The following KCND3 variants were observed in gnomAD, a reference collection of about 807,000 sequenced individuals.
KCND3 encodes potassium voltage-gated channel subfamily D member 3.
Under a neutral mutation model 51.1 loss-of-function variants are expected in KCND3, and 9 were observed. The ratio of observed to expected loss-of-function variants is 0.18; its 90% CI spans 0.11 to 0.31. The LOEUF is 0.31. Ranked by LOEUF, KCND3 falls within the 10% of genes least tolerant of loss-of-function variation. KCND3 has a pLI of 1.00. For synonymous variants in KCND3, 349 were observed against 368.0 expected, an observed-to-expected ratio of 0.95 and a Z score of 0.59; for missense variants, 526 against 903.8, an observed-to-expected ratio of 0.58 and a Z score of 5.36.
intron 2 of KCND3, among the ~76,000 whole-genome samples, chr1:111,969,059 G>A (rs1309641557): frequency 6.6e-6 from 1 of 151,860 alleles, no homozygotes; most frequent in Non-Finnish European, 1.5e-5. Context: ...ATACATGAAA[G>A]TTTCCCATTT....
At chr1:111,852,793 G>T (rs1234134115) in intron 2 of KCND3, among the ~76,000 whole-genome samples, 1 of 152,174 alleles carries the variant, frequency 6.6e-6, no homozygotes, top group Non-Finnish European at 1.5e-5. Context: ...GTACCACTTA[G>T]GTTTAAGCAA....
At chr1:111,889,051 C>A (rs1177706318) in intron 2 of KCND3, among the ~76,000 whole-genome samples, 1 of 152,132 alleles carries the variant, frequency 6.6e-6, no homozygotes, top group African/African-American at 2.4e-5. Context: ...TTCTTTAGAT[C>A]AGGGTTTTGT....
intron 2 of KCND3, among the ~76,000 whole-genome samples, chr1:111,844,635 A>G (rs1292560414): frequency 1.3e-5 from 2 of 151,516 alleles, no homozygotes; most frequent in African/African-American, 4.9e-5. Context: ...AAGCCTCCTC[A>G]CTCCCATCCC....
intron 2 of KCND3, among the ~76,000 whole-genome samples, chr1:111,855,920 C>T (rs1306277701): frequency 6.6e-6 from 1 of 152,188 alleles, no homozygotes; most frequent in Non-Finnish European, 1.5e-5. Context: ...ACGGCCCCCT[C>T]AAGAGGAGCT....
At chr1:111,963,300 A>C (rs1209030533) in intron 2 of KCND3, among the ~76,000 whole-genome samples, 1 of 152,254 alleles carries the variant, frequency 6.6e-6, no homozygotes, top group African/African-American at 2.4e-5. Context: ...AGGAGCTAGA[A>C]AATAGGTCCT....
chr1:111,905,037 C>T (rs1670579445), intron 2 of KCND3, among the ~76,000 whole-genome samples: 1 of 152,198 alleles, frequency 6.6e-6, no homozygotes, highest in Non-Finnish European at 1.5e-5. Context: ...GAGAGCTCTT[C>T]CCCGTACCTC....
intron 2 of KCND3, among the ~76,000 whole-genome samples, chr1:111,900,965 A>AAAAG (rs1326018781): frequency 6.6e-6 from 1 of 152,254 alleles, no homozygotes; most frequent in Non-Finnish European, 1.5e-5. Context: ...CTAAAAAAAC[A>AAAAG]AAAGAAACAA....
intron 2 of KCND3, among the ~76,000 whole-genome samples, chr1:111,831,535 C>G (rs985046357): frequency 6.6e-6 from 1 of 152,206 alleles, no homozygotes; most frequent in Non-Finnish European, 1.5e-5. Flanking sequence ...AATTAAGCCT[C>G]TTTTCTTTAT....
chr1:111,939,738 C>T (rs1431306366), intron 2 of KCND3, among the ~76,000 whole-genome samples: 2 of 152,140 alleles, frequency 1.3e-5, no homozygotes, highest in East Asian at 1.9e-4. Context: ...TGGGTATATA[C>T]CCAGTAATGG....
At chr1:111,903,920 G>A (rs554518898) in intron 2 of KCND3, among the ~76,000 whole-genome samples, 3 of 152,292 alleles carry the variant, frequency 2.0e-5, no homozygotes, top group African/African-American at 4.8e-5. Flanking sequence ...ATCTTACAAT[G>A]TCCAGACTGA....
At chr1:111,848,626 C>G (rs530759521) in intron 2 of KCND3, among the ~76,000 whole-genome samples, 10 of 152,360 alleles carry the variant, frequency 6.6e-5, no homozygotes, top group African/African-American at 2.4e-4. Context: ...CAGAGCCACA[C>G]AGGCTTGGTT....
At chr1:111,926,149 C>T (rs566496873) in intron 2 of KCND3, among the ~76,000 whole-genome samples, 2 of 152,236 alleles carry the variant, frequency 1.3e-5, no homozygotes, top group East Asian at 3.9e-4. Flanking sequence ...TTGTGGTTCC[C>T]GTGGCATAAG....
intron 2 of KCND3, among the ~76,000 whole-genome samples, chr1:111,825,317 T>C (rs1002936000): frequency 6.6e-6 from 1 of 152,198 alleles, no homozygotes; most frequent in Non-Finnish European, 1.5e-5. Flanking sequence ...TGTGGCACAA[T>C]GGCCCATCAG....
At chr1:111,928,490 G>T (rs1671815088) in intron 2 of KCND3, among the ~76,000 whole-genome samples, 1 of 152,250 alleles carries the variant, frequency 6.6e-6, no homozygotes, top group Non-Finnish European at 1.5e-5. Flanking sequence ...GTGGGGCCTG[G>T]CTGTGGAGCC....
chr1:111,831,732 C>T (rs187005930), intron 2 of KCND3, among the ~76,000 whole-genome samples: 16 of 152,268 alleles, frequency 1.1e-4, no homozygotes, highest in Non-Finnish European at 1.5e-4. Flanking sequence ...GCTGGCCCCA[C>T]GAGAATCACC....
At chr1:111,979,183 A>G (rs1038063687) in intron 2 of KCND3, among the ~76,000 whole-genome samples, 9 of 152,318 alleles carry the variant, frequency 5.9e-5, no homozygotes, top group African/African-American at 2.2e-4. Flanking sequence ...TCCCTAGTGC[A>G]GGCACCTTTC....
At chr1:111,971,429 A>G (rs1674323928) in intron 2 of KCND3, among the ~76,000 whole-genome samples, 1 of 152,148 alleles carries the variant, frequency 6.6e-6, no homozygotes, top group Non-Finnish European at 1.5e-5. Context: ...AAGATGAGAG[A>G]CTGAATCCAA....
At chr1:111,847,544 G>A (rs1033101737) in intron 2 of KCND3, among the ~76,000 whole-genome samples, 14 of 152,250 alleles carry the variant, frequency 9.2e-5, no homozygotes, top group African/African-American at 3.1e-4. Context: ...CAGTGAAGCC[G>A]TGCGTGCCCG....
At chr1:111,976,085 G>A (rs1250015915) in intron 2 of KCND3, among the ~76,000 whole-genome samples, 1 of 152,192 alleles carries the variant, frequency 6.6e-6, no homozygotes, top group African/African-American at 2.4e-5. Context: ...CTGTCCACTA[G>A]AATGTAACCT....
Sources: gnomAD v4.1 joint callset for allele counts (sites outside exome capture counted in the v4.1 genomes callset) on GRCh38, gnomAD v4.1.1 for gene constraint, MANE v1.5 for transcripts, NCBI Gene and HGNC (gene_info 2026-07-23, HGNC 2026-07-21) for gene names.